ASAP1: variants seen among roughly 807,000 people sequenced by gnomAD.
ASAP1 encodes arf-GAP with SH3 domain, ANK repeat and PH domain-containing protein 1.
ASAP1 carries 43 observed loss-of-function variants against 145.2 expected under a neutral mutation model. That is an observed-to-expected ratio of 0.30 (90% CI 0.23 to 0.38). The LOEUF (loss-of-function observed/expected upper bound fraction) is 0.38, where lower values mean the gene tolerates loss of function less well. ASAP1 is among the 10% of genes least tolerant of loss of function. The pLI, the probability that ASAP1 is intolerant of heterozygous loss-of-function variation, is 1.00. For synonymous variants in ASAP1, 546 were observed against 515.5 expected, an observed-to-expected ratio of 1.06 and a Z score of -0.80; for missense variants, 1,018 against 1,355.3, an observed-to-expected ratio of 0.75 and a Z score of 3.91.
intron 3 of ASAP1, 71 bp from the exon 4 acceptor site, chr8:130,237,065 T>C (rs1818258869): frequency 1.7e-6 from 2 of 1,195,872 alleles, no homozygotes; most frequent in Non-Finnish European, 2.3e-6. Flanking sequence ...GAAAAATTCA[T>C]TTGTAATTGC....
At chr8:130,389,305 T>A (rs571466369) in intron 2 of ASAP1, among the ~76,000 whole-genome samples, 1 of 152,300 alleles carries the variant, frequency 6.6e-6, no homozygotes, top group South Asian at 2.1e-4. Context: ...AGCCTGTTTT[T>A]AATCACTACT....
intron 5 of ASAP1, 54 bp from the exon 6 acceptor site, chr8:130,188,237 C>G: frequency 1.5e-6 from 2 of 1,369,532 alleles, no homozygotes; most frequent in South Asian, 2.3e-5. Flanking sequence ...TCCACATGAA[C>G]AATAAAACCA....
intron 15 of ASAP1, among the ~76,000 whole-genome samples, chr8:130,131,930 A>C (rs1374283365): frequency 6.6e-6 from 1 of 152,220 alleles, no homozygotes; most frequent in Non-Finnish European, 1.5e-5. Flanking sequence ...AATTACCTGT[A>C]AGTTCTAAGA....
intron 3 of ASAP1, among the ~76,000 whole-genome samples, chr8:130,260,628 C>T (rs1819835893): frequency 2.0e-5 from 3 of 152,156 alleles, no homozygotes; most frequent in African/African-American, 7.2e-5. Context: ...GAATTTCAGA[C>T]TGTGGGGAGC....
intron 1 of ASAP1, among the ~76,000 whole-genome samples, chr8:130,406,748 G>A (rs764775601): frequency 1.6e-4 from 24 of 152,142 alleles, no homozygotes; most frequent in Admixed American, 3.9e-4. Flanking sequence ...CTCTCAAAGT[G>A]CTGGGGTTAC....
At chr8:130,418,977 A>G (rs1244814482) in intron 1 of ASAP1, among the ~76,000 whole-genome samples, 1 of 151,956 alleles carries the variant, frequency 6.6e-6, no homozygotes, top group African/African-American at 2.4e-5. Context: ...GACCCTCCCT[A>G]AGAGGCCTGG....
rs536024032 is a variant in ASAP1, at chr8:130,300,486, C to T, written c.186+57531G>A. On this transcript the variant is annotated intron_variant, in intron 3 of 29. Transcript: ENST00000518721. Reference sequence around the variant, plus strand: ...CAGTTCTAGCAGCACACTGGAATCACCTGGCAGCTTTAAAACACTGCTGCC... The same window carrying T: ...CAGTTCTAGCAGCACACTGGAATCATCTGGCAGCTTTAAAACACTGCTGCC... Among the ~76,000 whole-genome samples the T allele has an allele frequency of 4.6e-5, 7 of 152,280 alleles. No individual in the cohort carries two copies. The South Asian group carries it at 1.4e-3, about 32-fold the overall frequency.
At chr8:130,177,416 TGA>T (rs1273622154) in intron 9 of ASAP1, among the ~76,000 whole-genome samples, 1 of 152,236 alleles carries the variant, frequency 6.6e-6, no homozygotes, top group African/African-American at 2.4e-5. Flanking sequence ...TTCAGGAGAC[TGA>T]GAGATTCACT....
intron 3 of ASAP1, among the ~76,000 whole-genome samples, chr8:130,320,070 CCA>C (rs1823905403): frequency 6.6e-6 from 1 of 152,078 alleles, no homozygotes; most frequent in African/African-American, 2.4e-5. Flanking sequence ...TCTGTATTTT[CCA>C]CATTTTTATA....
intron 5 of ASAP1, among the ~76,000 whole-genome samples, chr8:130,208,944 A>C (rs1816403434): frequency 6.6e-6 from 1 of 152,176 alleles, no homozygotes; most frequent in Non-Finnish European, 1.5e-5. Context: ...AAAGAGGTAC[A>C]GACAAAAGGA....
chr8:130,149,403 T>C (rs1022561482), intron 13 of ASAP1, among the ~76,000 whole-genome samples: 2 of 152,170 alleles, frequency 1.3e-5, no homozygotes, highest in African/African-American at 2.4e-5. Context: ...AATTTATGAA[T>C]GAAATCTTCT....
intron 3 of ASAP1, among the ~76,000 whole-genome samples, chr8:130,248,736 C>T (rs923883589): frequency 6.6e-6 from 1 of 152,118 alleles, no homozygotes; most frequent in African/African-American, 2.4e-5. Context: ...GTTCAATCCA[C>T]TTCCTCCTCT....
intron 24 of ASAP1, among the ~76,000 whole-genome samples, chr8:130,107,136 C>A (rs2097538122): frequency 6.6e-6 from 1 of 150,520 alleles, no homozygotes; most frequent in Non-Finnish European, 1.5e-5. Context: ...AAGTATGGGG[C>A]AGGATTGGGC....
chr8:130,147,564 G>T (rs1417173156), intron 13 of ASAP1, among the ~76,000 whole-genome samples: 2 of 152,206 alleles, frequency 1.3e-5, no homozygotes, highest in African/African-American at 2.4e-5. Context: ...TGCGGTCCAG[G>T]CTCTGCAAAG....
chr8:130,123,422 T>C (rs2097569738), intron 18 of ASAP1, among the ~76,000 whole-genome samples: 1 of 152,168 alleles, frequency 6.6e-6, no homozygotes, highest in Non-Finnish European at 1.5e-5. Context: ...ATATGCCATG[T>C]TTTTGAGAGA....
intron 3 of ASAP1, among the ~76,000 whole-genome samples, chr8:130,323,198 G>A (rs1415135517): frequency 6.6e-6 from 1 of 152,206 alleles, no homozygotes; most frequent in Non-Finnish European, 1.5e-5. Context: ...TGTTCCTGGG[G>A]AGGACAAGAT....
At position 130,066,093 on chromosome 8, in the gene ASAP1, G is replaced by A. The variant is rs73405561; in HGVS notation, c.2702-5024C>T. On this transcript the variant is annotated intron_variant, in intron 27 of 29. Transcript: ENST00000518721. ...TGCCCCCAGTATTACACCATATTGTGATACAATCGTGGTACAATTTAGCTT... is the reference window on the plus strand; with the variant it reads ...TGCCCCCAGTATTACACCATATTGTAATACAATCGTGGTACAATTTAGCTT... 8.4e-3 allele frequency among the ~76,000 whole-genome samples: 1,275 copies of A among 152,290 alleles called. 12 individuals are homozygous for A. Among genetic ancestry groups the A allele is most frequent in the African/African-American group, 0.026 (1,094 of 41,536 alleles).
intron 3 of ASAP1, among the ~76,000 whole-genome samples, chr8:130,317,266 C>T (rs1446142647): frequency 6.6e-6 from 1 of 152,142 alleles, no homozygotes; most frequent in Admixed American, 6.5e-5. Flanking sequence ...TCACCAATCC[C>T]CATATCATTA....
chr8:130,347,800 C>T (rs1056802822), intron 3 of ASAP1, among the ~76,000 whole-genome samples: 6 of 152,174 alleles, frequency 3.9e-5, no homozygotes, highest in Non-Finnish European at 7.4e-5. Flanking sequence ...TAATTTGGTG[C>T]GAGCTGCCTT....
Sources: allele counts gnomAD v4.1 joint callset (sites outside exome capture counted in the v4.1 genomes callset), GRCh38; gene constraint gnomAD v4.1.1; transcripts MANE v1.5; gene names NCBI Gene and HGNC (gene_info 2026-07-23, HGNC 2026-07-21).